CNTNAP2: variants seen among roughly 807,000 people sequenced by gnomAD.
The protein encoded by CNTNAP2 is contactin-associated protein-like 2.
Under a neutral mutation model 155.2 loss-of-function variants are expected in CNTNAP2, and 98 were observed. That is an observed-to-expected ratio of 0.63 (90% CI 0.54 to 0.75). The LOEUF is 0.75. Among genes scored for constraint, CNTNAP2 ranks in the 30% least tolerant of loss-of-function variants. The pLI is 0.00. For missense variants in CNTNAP2, 1,727 were observed against 1,688.1 expected (o/e 1.02, Z -0.40); for synonymous variants, 651 against 631.2 (o/e 1.03, Z -0.47).
intron 14 of CNTNAP2, among the ~76,000 whole-genome samples, chr7:147,963,230 G>A (rs1399788324): frequency 6.6e-6 from 1 of 152,010 alleles, no homozygotes; most frequent in Non-Finnish European, 1.5e-5. Flanking sequence ...AGGATACATA[G>A]TAAGAATGTG....
rs567597584 is a variant in CNTNAP2 at position 146,368,092 on chromosome 7, T to C, written c.97+251119T>C. Among the ~76,000 whole-genome samples, 18 of 152,224 alleles carry C rather than the reference T, an allele frequency of 1.2e-4. No individual in the cohort carries two copies. In the East Asian group the frequency reaches 3.5e-3, roughly 29 times the overall value. On this transcript the variant is annotated intron_variant, in intron 1 of 23. Coordinates refer to ENST00000361727, the MANE Select transcript of CNTNAP2 (RefSeq NM_014141.6). ...ATTAGATATCACTTTCTCCTCTGCATCCCCAATGCCCTTTTCCCTCCTCAG... is the reference window on the plus strand; with the variant it reads ...ATTAGATATCACTTTCTCCTCTGCACCCCCAATGCCCTTTTCCCTCCTCAG...
At position 147,903,698 on chromosome 7, in the gene CNTNAP2, C is replaced by G; in HGVS notation, c.2232C>G (p.Asn744Lys). 1 of 1,613,940 alleles carries G rather than the reference C, an allele frequency of 6.2e-7. No homozygotes were observed. Among genetic ancestry groups the G allele is most frequent in the Non-Finnish European group, 8.5e-7 (1 of 1,179,948 alleles). ...GCACAGATCCCAAGTACTACTGTAA[C>G]TGCGACGCGGACTACAAGCAATGGT... ...RNCTDPKYYC[N>K]CDADYKQWRK... Residue 744 changes from asparagine to lysine, a missense_variant, in exon 14 of 24, where the codon AAC becomes AAG. By Grantham distance (94) the Asn-to-Lys change is moderately conservative (BLOSUM62 0). Transcript: ENST00000361727.
At chr7:148,406,759 G>C (rs1185213711) in intron 22 of CNTNAP2, among the ~76,000 whole-genome samples, 1 of 152,192 alleles carries the variant, frequency 6.6e-6, no homozygotes, top group African/African-American at 2.4e-5. Context: ...GTCTTTGAAG[G>C]GTGGCTTATG....
intron 13 of CNTNAP2, among the ~76,000 whole-genome samples, chr7:147,802,342 G>A (rs1468458948): frequency 6.6e-6 from 1 of 151,310 alleles, no homozygotes; most frequent in Non-Finnish European, 1.5e-5. Context: ...TGGGCGGCCA[G>A]GCAGAGACAC....
chr7:148,335,859 GT>G (rs5888319), intron 21 of CNTNAP2, among the ~76,000 whole-genome samples: 2 of 151,508 alleles, frequency 1.3e-5, no homozygotes, highest in African/African-American at 2.4e-5. Context: ...AATATTGTAC[GT>G]TTTTTTTCAC....
At chr7:146,926,421 T>A (rs1916937) in intron 3 of CNTNAP2, among the ~76,000 whole-genome samples, 2,131 of 152,234 alleles carry the variant, frequency 0.014, 50 homozygotes, top group African/African-American at 0.048. Flanking sequence ...TGAGTTTATG[T>A]CTGAATTTGA....
intron 1 of CNTNAP2, among the ~76,000 whole-genome samples, chr7:146,117,611 A>G (rs1797504315): frequency 2.6e-5 from 4 of 152,144 alleles, no homozygotes; most frequent in Admixed American, 2.6e-4. Context: ...AAGCGTCGTT[A>G]ATGTAGTAAT....
chr7:147,823,972 G>A (rs1453583169), intron 13 of CNTNAP2, among the ~76,000 whole-genome samples: 1 of 152,114 alleles, frequency 6.6e-6, no homozygotes, highest in Non-Finnish European at 1.5e-5. Flanking sequence ...CATGACTAAG[G>A]TTTGTGTTGT....
At chr7:147,430,580 CA>C (rs1294360507) in intron 10 of CNTNAP2, among the ~76,000 whole-genome samples, 1 of 152,098 alleles carries the variant, frequency 6.6e-6, no homozygotes, top group African/African-American at 2.4e-5. Context: ...CTGTCTTTGC[CA>C]GGCACCACCC....
chr7:147,132,078 G>A (rs183159055), intron 7 of CNTNAP2, among the ~76,000 whole-genome samples, 167 bp from the exon 8 acceptor site: 2 of 152,236 alleles, frequency 1.3e-5, no homozygotes, highest in Non-Finnish European at 2.9e-5. Flanking sequence ...AAGTAGATCC[G>A]TAGTGGTGCA....
intron 1 of CNTNAP2, among the ~76,000 whole-genome samples, chr7:146,133,937 C>G (rs1465429442): frequency 6.6e-6 from 1 of 151,180 alleles, no homozygotes; most frequent in Non-Finnish European, 1.5e-5. Flanking sequence ...GTAGTTTTTT[C>G]CAATTCTGTG....
chr7:148,415,280 TG>T, intron 23 of CNTNAP2, 136 bp from the exon 24 acceptor site: 3 of 892,788 alleles, frequency 3.4e-6, no homozygotes, highest in Admixed American at 2.0e-5. Context: ...ACTTCATTTT[TG>T]TTATCTTTGT....
rs1797673375 is a variant in CNTNAP2 at position 147,782,394 on chromosome 7, C to A, written c.2099-121171C>A. On this transcript the variant is annotated intron_variant, in intron 13 of 23. Coordinates refer to ENST00000361727, the MANE Select transcript of CNTNAP2 (RefSeq NM_014141.6). ...TCTTAGTCCATTAGGGCTGCTACAA[C>A]AAAATACCTTAAAATGGGTAATTTA... 2.0e-5 allele frequency among the ~76,000 whole-genome samples: 3 copies of A among 152,246 alleles called. No individual in the cohort carries two copies. The South Asian group carries it at 6.2e-4, about 32-fold the overall frequency.
intron 1 of CNTNAP2, among the ~76,000 whole-genome samples, chr7:146,579,859 C>A (rs1798584783): frequency 6.6e-6 from 1 of 152,146 alleles, no homozygotes; most frequent in South Asian, 2.1e-4. Context: ...TCTTAGTGTA[C>A]ATAATATTGC....
intron 13 of CNTNAP2, among the ~76,000 whole-genome samples, chr7:147,897,240 CT>C (rs1563127586): frequency 1.3e-5 from 2 of 152,328 alleles, no homozygotes; most frequent in African/African-American, 4.8e-5. Context: ...CAAATTATTA[CT>C]GTCTGCAATG....
At position 147,724,721 on chromosome 7, in the gene CNTNAP2, A is replaced by G. The variant is rs575068461; in HGVS notation, c.2098+85415A>G. Among the ~76,000 whole-genome samples the G allele has an allele frequency of 3.3e-5, 5 of 152,096 alleles. No individual in the cohort carries two copies. In the South Asian group the frequency reaches 1.0e-3, roughly 32 times the overall value. ...GCTGCAGGTAATTTCTCCTTCCTATATTACACTGCGGAAGCTAGAATTCAG... is the reference window on the plus strand; with the variant it reads ...GCTGCAGGTAATTTCTCCTTCCTATGTTACACTGCGGAAGCTAGAATTCAG... On this transcript the variant is annotated intron_variant, in intron 13 of 23. Transcript: ENST00000361727.
intron 22 of CNTNAP2, among the ~76,000 whole-genome samples, chr7:148,401,111 A>T (rs1324778821): frequency 6.6e-6 from 1 of 152,192 alleles, no homozygotes; most frequent in Non-Finnish European, 1.5e-5. Flanking sequence ...TTGAATCCAC[A>T]GTTGGGGAAC....
chr7:148,131,275 T>G (rs2116628462), intron 16 of CNTNAP2, among the ~76,000 whole-genome samples: 1 of 152,076 alleles, frequency 6.6e-6, no homozygotes, highest in East Asian at 1.9e-4. Flanking sequence ...ATTTTTGTAT[T>G]TTTAGTAGAG....
At chr7:146,266,031 C>T (rs1043220883) in intron 1 of CNTNAP2, among the ~76,000 whole-genome samples, 3 of 152,024 alleles carry the variant, frequency 2.0e-5, no homozygotes, top group Non-Finnish European at 4.4e-5. Flanking sequence ...ATGGGTGATA[C>T]ACATATTATC....
Sources: gnomAD v4.1 joint callset for allele counts (sites outside exome capture counted in the v4.1 genomes callset) on GRCh38, gnomAD v4.1.1 for gene constraint, MANE v1.5 for transcripts, NCBI Gene and HGNC (gene_info 2026-07-23, HGNC 2026-07-21) for gene names.